DLC1: variants seen among roughly 807,000 people sequenced by gnomAD.
The protein encoded by DLC1 is DLC1 Rho GTPase activating protein.
DLC1 carries 54 observed loss-of-function variants against 140.3 expected under a neutral mutation model. The ratio of observed to expected loss-of-function variants is 0.38; its 90% CI spans 0.31 to 0.48. The LOEUF is 0.48. DLC1 is among the 20% of genes least tolerant of loss of function. The pLI, the probability that DLC1 is intolerant of heterozygous loss-of-function variation, is 0.96. For missense variants in DLC1, 2,536 were observed against 1,907.0 expected (o/e 1.33, Z -6.14); for synonymous variants, 986 against 728.1 (o/e 1.35, Z -5.70).
chr8:13,396,159 A>C (rs2117228368), intron 3 of DLC1, among the ~76,000 whole-genome samples: 1 of 147,646 alleles, frequency 6.8e-6, no homozygotes, highest in Non-Finnish European at 1.5e-5. Flanking sequence ...TCCTGGGTTC[A>C]CACCATTCTC....
chr8:13,220,668 T>C (rs1359403682), intron 5 of DLC1, among the ~76,000 whole-genome samples: 1 of 152,202 alleles, frequency 6.6e-6, no homozygotes, highest in African/African-American at 2.4e-5. Context: ...AATACTGCGT[T>C]ACTGTGGAGG....
chr8:13,416,959 G>C (rs1023047088), intron 2 of DLC1, among the ~76,000 whole-genome samples: 1 of 151,930 alleles, frequency 6.6e-6, no homozygotes, highest in Non-Finnish European at 1.5e-5. Flanking sequence ...CTTTGTTAAA[G>C]TACTCGTATT....
At chr8:13,089,870 A>C (rs770629427) in intron 15 of DLC1, among the ~76,000 whole-genome samples, 1 of 152,166 alleles carries the variant, frequency 6.6e-6, no homozygotes, top group Non-Finnish European at 1.5e-5. Context: ...GGGCCAAGAG[A>C]ACAGTAACTA....
intron 5 of DLC1, among the ~76,000 whole-genome samples, chr8:13,182,791 C>T (rs547674297): frequency 5.9e-5 from 9 of 152,120 alleles, no homozygotes; most frequent in Admixed American, 3.3e-4. Flanking sequence ...TTAGGATTGT[C>T]TTGGCAATGT....
At chr8:13,544,386 C>A (rs1008521232) in intron 1 of DLC1, among the ~76,000 whole-genome samples, 2 of 152,140 alleles carry the variant, frequency 1.3e-5, no homozygotes, top group Non-Finnish European at 2.9e-5. Context: ...TTAAATAATA[C>A]ATACATAGTG....
At chr8:13,098,629 T>C in intron 9 of DLC1, 54 bp from the exon 10 acceptor site, 2 of 1,533,284 alleles carry the variant, frequency 1.3e-6, no homozygotes, top group Non-Finnish European at 1.8e-6. Flanking sequence ...TTTGATTTTA[T>C]TTATTTTATT....
intron 5 of DLC1, among the ~76,000 whole-genome samples, chr8:13,279,186 C>G (rs1465919394): frequency 6.6e-6 from 1 of 152,152 alleles, no homozygotes; most frequent in South Asian, 2.1e-4. Flanking sequence ...TTGAGGTGAT[C>G]CCGACTATGG....
chr8:13,141,897 C>T lies in DLC1; in HGVS notation c.1349-26240G>A, dbSNP rs79391076. 5.3e-3 allele frequency among the ~76,000 whole-genome samples: 806 copies of T among 152,248 alleles called. 10 individuals are homozygous for T. Among genetic ancestry groups the T allele is most frequent in the African/African-American group, 0.018 (761 of 41,540 alleles). ...TTAAAAAATAGACCTAGCAACAAGG[C>T]TTATGATATGGTTAGATTTTGTGTC... On this transcript the variant is annotated intron_variant, in intron 5 of 17. Coordinates refer to ENST00000276297, the MANE Select transcript of DLC1 (RefSeq NM_182643.3).
chr8:13,515,759 C>A (rs1280145116), upstream of DLC1: 1 of 152,214 alleles, frequency 6.6e-6, no homozygotes, highest in Non-Finnish European at 1.5e-5. Context: ...TAAAACCAGA[C>A]AGGCAACTCT....
intron 1 of DLC1, among the ~76,000 whole-genome samples, chr8:13,520,136 G>A (rs1585237581): frequency 6.6e-6 from 1 of 152,114 alleles, no homozygotes; most frequent in Admixed American, 6.6e-5. Flanking sequence ...TATACCCAAA[G>A]GATTATAAAT....
chr8:13,090,476 C>T lies in DLC1; in HGVS notation c.3856-6G>A, dbSNP rs200102232. On this transcript the variant is annotated splice_region_variant and splice_polypyrimidine_tract_variant and intron_variant, in intron 14 of 17. Coordinates refer to ENST00000276297, the MANE Select transcript of DLC1 (RefSeq NM_182643.3). ...CGGCTCATTTCCTCGGGAACCTGTG[C>T]GGAACATGACAGACAGAAAGGAGGT... The T allele has an allele frequency of 2.3e-3, 3,766 of 1,613,244 alleles. 12 individuals carry two copies. The highest frequency in any genetic ancestry group is 2.9e-3 in the Non-Finnish European group (3,378 of 1,179,882).
intron 2 of DLC1, among the ~76,000 whole-genome samples, chr8:13,414,259 T>C (rs546098254): frequency 6.6e-6 from 1 of 152,208 alleles, no homozygotes; most frequent in Admixed American, 6.5e-5. Context: ...TCCTTATTAT[T>C]GGTATGAAAA....
intron 4 of DLC1, among the ~76,000 whole-genome samples, chr8:13,332,253 C>T (rs1024401228): frequency 6.6e-6 from 1 of 152,128 alleles, no homozygotes; most frequent in African/African-American, 2.4e-5. Context: ...GAACACAATG[C>T]AATCTTTTTA....
intron 5 of DLC1, among the ~76,000 whole-genome samples, chr8:13,267,704 C>A (rs1488901677): frequency 6.7e-6 from 1 of 148,672 alleles, no homozygotes. Context: ...AAGAAAAGTT[C>A]TTTGAAGTCA....
intron 4 of DLC1, among the ~76,000 whole-genome samples, chr8:13,358,792 T>C (rs1474605331): frequency 1.3e-5 from 2 of 152,186 alleles, no homozygotes; most frequent in African/African-American, 4.8e-5. Flanking sequence ...GGCCATTTTC[T>C]TTACTTTCTC....
intron 1 of DLC1, among the ~76,000 whole-genome samples, chr8:13,551,322 A>G (rs1027082182): frequency 2.0e-5 from 3 of 152,120 alleles, no homozygotes; most frequent in Admixed American, 6.6e-5. Context: ...CTGGGAGTAC[A>G]TAAAAATTTT....
intron 2 of DLC1, among the ~76,000 whole-genome samples, chr8:13,496,775 TA>T: frequency 7.2e-6 from 1 of 139,512 alleles, no homozygotes; most frequent in Admixed American, 7.6e-5. Flanking sequence ...AACAAATTCT[TA>T]GACCATTTCC....
chr8:13,243,942 G>A (rs1312884705), intron 5 of DLC1, among the ~76,000 whole-genome samples: 2 of 152,140 alleles, frequency 1.3e-5, no homozygotes, highest in Non-Finnish European at 2.9e-5. Flanking sequence ...TATCTGTGGA[G>A]GTCACAGGCA....
At chr8:13,441,405 G>C (rs528214763) in intron 2 of DLC1, among the ~76,000 whole-genome samples, 70 of 152,326 alleles carry the variant, frequency 4.6e-4, no homozygotes, top group East Asian at 2.9e-3. Flanking sequence ...ATTAGGAAAA[G>C]AGGAAGTCAA....
Sources: gnomAD v4.1 joint callset for allele counts (sites outside exome capture counted in the v4.1 genomes callset) on GRCh38, gnomAD v4.1.1 for gene constraint, MANE v1.5 for transcripts, NCBI Gene and HGNC (gene_info 2026-07-23, HGNC 2026-07-21) for gene names.